Variants in DPT observed in about 807,000 individuals in gnomAD.
The protein encoded by DPT is tyrosine-rich acidic matrix protein.
In DPT, 21 loss-of-function variants were observed where a neutral mutation model predicts 31.2. That is an observed-to-expected ratio of 0.67 (90% CI 0.48 to 0.97). The LOEUF (loss-of-function observed/expected upper bound fraction) is 0.97. Ranked by LOEUF, DPT falls within the 50% of genes least tolerant of loss-of-function variation. The probability of loss-of-function intolerance (pLI) is 0.00; values close to 1 mark genes in which losing one functional copy is unlikely to be tolerated. For synonymous variants in DPT, 91 were observed against 86.9 expected, an observed-to-expected ratio of 1.05 and a Z score of -0.26; for missense variants, 262 against 258.8, an observed-to-expected ratio of 1.01 and a Z score of -0.08.
chr1:168,715,999 G>A (rs55913393), intron 1 of DPT, among the ~76,000 whole-genome samples: 49,799 of 152,116 alleles, frequency 0.33, 8,635 homozygotes, highest in Middle Eastern at 0.38. Flanking sequence ...AGTAAGTACC[G>A]TGTGCTGACT....
chr1:168,709,529 A>G (rs1239695469), intron 2 of DPT, among the ~76,000 whole-genome samples: 1 of 152,212 alleles, frequency 6.6e-6, no homozygotes, highest in African/African-American at 2.4e-5. Context: ...CGAGAGCAGC[A>G]CCTTGGTTCC....
At chr1:168,723,861 T>C (rs1650177272) in intron 1 of DPT, among the ~76,000 whole-genome samples, 1 of 152,220 alleles carries the variant, frequency 6.6e-6, no homozygotes, top group African/African-American at 2.4e-5. Flanking sequence ...TAATTTCAGA[T>C]TTACAGAATG....
intron 3 of DPT, among the ~76,000 whole-genome samples, chr1:168,698,293 T>A (rs1358042385): frequency 6.6e-6 from 1 of 152,206 alleles, no homozygotes; most frequent in Admixed American, 6.5e-5. Context: ...CTTGAGGGTC[T>A]GGGTGATACC....
intron 1 of DPT, among the ~76,000 whole-genome samples, chr1:168,720,660 A>G (rs532414135): frequency 6.6e-6 from 1 of 152,164 alleles, no homozygotes; most frequent in South Asian, 2.1e-4. Flanking sequence ...CCAGTTTCCA[A>G]CCCCACTGCA....
At chr1:168,715,150 C>T (rs928370412) in intron 1 of DPT, among the ~76,000 whole-genome samples, 11 of 152,164 alleles carry the variant, frequency 7.2e-5, no homozygotes, top group Admixed American at 2.0e-4. Context: ...AATATATAAC[C>T]GCTCCACTCC....
intron 1 of DPT, among the ~76,000 whole-genome samples, chr1:168,721,971 A>T (rs1002200322): frequency 1.3e-5 from 2 of 152,218 alleles, no homozygotes; most frequent in African/African-American, 4.8e-5. Flanking sequence ...GCAGAACAGC[A>T]TCTCTGGATA....
chr1:168,699,041 A>G (rs1038319157), intron 3 of DPT, among the ~76,000 whole-genome samples: 10 of 152,208 alleles, frequency 6.6e-5, no homozygotes, highest in African/African-American at 2.2e-4. Context: ...TGGGTAATCC[A>G]CATAACCGAA....
intron 3 of DPT, among the ~76,000 whole-genome samples, chr1:168,697,483 A>G (rs528809229): frequency 2.0e-5 from 3 of 152,284 alleles, no homozygotes; most frequent in African/African-American, 7.2e-5. Context: ...TGAATTGCCT[A>G]TGTGTTTAAG....
chr1:168,701,218 G>C, intron 2 of DPT, 94 bp from the exon 3 acceptor site: 1 of 969,450 alleles, frequency 1.0e-6, no homozygotes, highest in South Asian at 1.3e-5. Context: ...GATGGAGTTT[G>C]AGCATCCTGG....
intron 2 of DPT, among the ~76,000 whole-genome samples, chr1:168,709,531 C>A (rs562173060): frequency 6.6e-6 from 1 of 152,192 alleles, no homozygotes; most frequent in African/African-American, 2.4e-5. Context: ...AGAGCAGCAC[C>A]TTGGTTCCCA....
chr1:168,706,235 A>G (rs1649714013), intron 2 of DPT, among the ~76,000 whole-genome samples: 1 of 152,190 alleles, frequency 6.6e-6, no homozygotes, highest in Admixed American at 6.5e-5. Context: ...GGAGAAACTC[A>G]ACATTTGCGG....
intron 1 of DPT, 66 bp downstream of exon 1, chr1:168,728,804 G>A: frequency 4.5e-6 from 7 of 1,559,044 alleles, no homozygotes; most frequent in Non-Finnish European, 5.2e-6. Context: ...GAGTCTAGCA[G>A]CCCCCAGGAG....
intron 1 of DPT, among the ~76,000 whole-genome samples, chr1:168,716,241 T>C (rs1427389872): frequency 6.6e-6 from 1 of 152,242 alleles, no homozygotes; most frequent in Non-Finnish European, 1.5e-5. Context: ...TATTTATTTA[T>C]TTATTCATTC....
intron 1 of DPT, among the ~76,000 whole-genome samples, chr1:168,715,915 C>T (rs1203866638): frequency 6.6e-6 from 1 of 152,238 alleles, no homozygotes. Context: ...TGTCTATGTG[C>T]ATGGCCAGAC....
intron 2 of DPT, among the ~76,000 whole-genome samples, chr1:168,706,904 G>A (rs1269259663): frequency 6.6e-6 from 1 of 152,158 alleles, no homozygotes; most frequent in Non-Finnish European, 1.5e-5. Context: ...CACATTATGT[G>A]GTGGTCACCC....
At chr1:168,721,195 G>A (rs1376383306) in intron 1 of DPT, among the ~76,000 whole-genome samples, 3 of 152,202 alleles carry the variant, frequency 2.0e-5, no homozygotes, top group African/African-American at 7.2e-5. Context: ...TTGGGGGCAA[G>A]TTTGCCCAGT....
chr1:168,708,761 C>T (rs1649779287), intron 2 of DPT, among the ~76,000 whole-genome samples: 1 of 152,098 alleles, frequency 6.6e-6, no homozygotes, highest in African/African-American at 2.4e-5. Context: ...GCACAGGTGG[C>T]ATATGACAGG....
intron 1 of DPT, among the ~76,000 whole-genome samples, chr1:168,723,113 T>A (rs1034402524): frequency 1.3e-5 from 2 of 152,230 alleles, no homozygotes; most frequent in African/African-American, 4.8e-5. Context: ...CATAACCCTA[T>A]TCTCCCACAC....
intron 1 of DPT, among the ~76,000 whole-genome samples, chr1:168,720,667 T>G (rs781380375): frequency 6.6e-5 from 10 of 152,138 alleles, no homozygotes; most frequent in African/African-American, 9.7e-5. Flanking sequence ...CCAACCCCAC[T>G]GCAGAGATGG....
Sources: allele counts gnomAD v4.1 joint callset (sites outside exome capture counted in the v4.1 genomes callset), GRCh38; gene constraint gnomAD v4.1.1; transcripts MANE v1.5; gene names NCBI Gene and HGNC (gene_info 2026-07-23, HGNC 2026-07-21).